The following ITSN1 variants were observed in gnomAD, a reference collection of about 807,000 sequenced individuals.
The protein encoded by ITSN1 is intersectin-1.
ITSN1 carries 58 observed loss-of-function variants against 239.8 expected under a neutral mutation model. The ratio of observed to expected loss-of-function variants is 0.24; its 90% CI spans 0.20 to 0.30. The LOEUF (loss-of-function observed/expected upper bound fraction) is 0.30, where lower values mean the gene tolerates loss of function less well. Ranked by LOEUF, ITSN1 falls within the 10% of genes least tolerant of loss-of-function variation. ITSN1 has a pLI of 1.00. For synonymous variants in ITSN1, 780 were observed against 770.8 expected (o/e 1.01, Z -0.20); for missense variants, 1,558 against 2,103.3 (o/e 0.74, Z 5.07).
intron 28 of ITSN1, among the ~76,000 whole-genome samples, chr21:33,835,666 CG>C (rs2074559212): frequency 6.6e-6 from 1 of 152,216 alleles, no homozygotes; most frequent in African/African-American, 2.4e-5. Context: ...CATGGTGGCT[CG>C]CGCCTGTAAT....
intron 26 of ITSN1, among the ~76,000 whole-genome samples, chr21:33,827,093 G>A (rs942667031): frequency 4.6e-5 from 7 of 152,166 alleles, no homozygotes; most frequent in African/African-American, 1.7e-4. Context: ...TGTTCTCTTG[G>A]GTTGTCGAGA....
chr21:33,669,322 A>T (rs1409212761), intron 1 of ITSN1, among the ~76,000 whole-genome samples: 1 of 152,100 alleles, frequency 6.6e-6, no homozygotes, highest in African/African-American at 2.4e-5. Flanking sequence ...GCCTCAAGTG[A>T]TCCACCCGTC....
chr21:33,694,866 A>G (rs1048766269), intron 1 of ITSN1, among the ~76,000 whole-genome samples: 1 of 152,172 alleles, frequency 6.6e-6, no homozygotes, highest in Admixed American at 6.5e-5. Flanking sequence ...TCAGGCTGCA[A>G]TGCAGTGGTG....
chr21:33,721,252 A>G lies in ITSN1; in HGVS notation c.103A>G (p.Ile35Val), dbSNP rs760484132. Reference sequence around the variant, plus strand: ...TCAGCAGTTCCATAGTTTAAAGCCAATATCTGGATTCATTACTGGTAATCA... The same window carrying G: ...TCAGCAGTTCCATAGTTTAAAGCCAGTATCTGGATTCATTACTGGTAATCA... The part of the protein sequence containing the change: ...HDQQFHSLKP[I>V]SGFITGDQAR... The change falls in exon 3 of 40, where the codon ATA becomes GTA. Residue 35 changes from isoleucine to valine, a missense_variant. Around this residue, in one of 2 missense-constraint regions of ITSN1, gnomAD observed 982 missense variants for 1,209.9 expected, o/e 0.81. Coordinates refer to ENST00000381318, the MANE Select transcript of ITSN1 (RefSeq NM_003024.3). The G allele has an allele frequency of 4.4e-6, 7 of 1,608,244 alleles. No individual in the cohort carries two copies. Among genetic ancestry groups the G allele is most frequent in the African/African-American group, 2.7e-5 (2 of 74,814 alleles).
intron 4 of ITSN1, among the ~76,000 whole-genome samples, chr21:33,730,544 G>A (rs1302297823): frequency 6.6e-6 from 1 of 151,332 alleles, no homozygotes; most frequent in Non-Finnish European, 1.5e-5. Context: ...GGGATTACAG[G>A]CACGTGCCAC....
At chr21:33,742,277 G>A (rs548498249) in intron 5 of ITSN1, among the ~76,000 whole-genome samples, 2 of 151,940 alleles carry the variant, frequency 1.3e-5, no homozygotes, top group Non-Finnish European at 2.9e-5. Flanking sequence ...GGCTGGTCTC[G>A]AACTTCTGAT....
chr21:33,747,295 T>C (rs2067240146), intron 5 of ITSN1, among the ~76,000 whole-genome samples: 1 of 151,942 alleles, frequency 6.6e-6, no homozygotes, highest in Non-Finnish European at 1.5e-5. Flanking sequence ...CTGAAGAATA[T>C]GGAACAAAAA....
intron 8 of ITSN1, among the ~76,000 whole-genome samples, chr21:33,758,237 C>T (rs1004407690): frequency 2.6e-5 from 4 of 152,128 alleles, no homozygotes; most frequent in African/African-American, 9.7e-5. Context: ...GATCCTCCCA[C>T]CTCAGCCCCC....
At chr21:33,738,391 C>G (rs1246052387) in intron 5 of ITSN1, among the ~76,000 whole-genome samples, 1 of 151,964 alleles carries the variant, frequency 6.6e-6, no homozygotes, top group Non-Finnish European at 1.5e-5. Context: ...GAGATAGAAC[C>G]TGTCCAAAGC....
In ITSN1 at chr21:33,840,337, T is replaced by G. The variant is rs536251426; in HGVS notation, c.3661+3705T>G. 7.9e-5 allele frequency among the ~76,000 whole-genome samples: 12 copies of G among 152,152 alleles called. No homozygotes were observed. In the South Asian group the frequency reaches 2.3e-3, roughly 29 times the overall value. On this transcript the variant is annotated intron_variant, in intron 29 of 39. Coordinates refer to ENST00000381318, the MANE Select transcript of ITSN1 (RefSeq NM_003024.3). ...AGTTTAAAGGTGTCAGGTTTTGGTT[T>G]GTTTGTTCTTTAGCTATTTGTTTTT... is the stretch of plus-strand genomic sequence containing the variant.
chr21:33,648,433 G>A (rs1042703264), intron 1 of ITSN1, among the ~76,000 whole-genome samples: 3 of 152,128 alleles, frequency 2.0e-5, no homozygotes, highest in African/African-American at 7.2e-5. Context: ...TACTTTTTAT[G>A]TTCTCGATTG....
intron 5 of ITSN1, among the ~76,000 whole-genome samples, chr21:33,747,337 T>C (rs947642548): frequency 6.6e-6 from 1 of 151,986 alleles, no homozygotes; most frequent in Non-Finnish European, 1.5e-5. Context: ...TTTCAGAGAC[T>C]TATGGAACAA....
chr21:33,797,412 G>A lies in ITSN1; in HGVS notation c.1986G>A (p.Glu662=). 1 of 1,614,008 alleles carries A rather than the reference G, an allele frequency of 6.2e-7. No homozygotes were observed. Among genetic ancestry groups the A allele is most frequent in the Non-Finnish European group, 8.5e-7 (1 of 1,179,930 alleles). ...AGGAAAGGGACAAGCAGTGGCTGGA[G>A]CATGTGCAGCAGGAGGACGAGCATC... ...RAQERDKQWL[E]HVQQEDEHQR... is the part of the protein sequence containing the mutation. The change falls in exon 18 of 40, where the codon GAG becomes GAA. Residue 662 remains glutamate, a synonymous_variant. Coordinates refer to ENST00000381318, the MANE Select transcript of ITSN1 (RefSeq NM_003024.3). The surrounding 1 kb of genome is among the most constrained non-coding windows in gnomAD (Gnocchi z 4.9).
chr21:33,774,545 T>C (rs1183348623), intron 12 of ITSN1, 184 bp from the exon 13 acceptor site: 6 of 563,136 alleles, frequency 1.1e-5, no homozygotes, highest in Non-Finnish European at 1.6e-5. Context: ...TTCTGTGTAT[T>C]CCCTTTATTC....
At chr21:33,829,372 A>G in intron 26 of ITSN1, 1 of 468,042 alleles carries the variant, frequency 2.1e-6, no homozygotes. Context: ...TTGGTAAGTA[A>G]GTTTCACGGG....
At chr21:33,704,923 TAAAAAA>T (rs55966725) in intron 1 of ITSN1, among the ~76,000 whole-genome samples, 6 of 93,688 alleles carry the variant, frequency 6.4e-5, no homozygotes, top group Non-Finnish European at 1.2e-4. Context: ...CCATCTCTAC[TAAAAAA>T]AAAAAAAAAA....
At chr21:33,871,377 C>T (rs2148518198) in intron 33 of ITSN1, among the ~76,000 whole-genome samples, 1 of 151,776 alleles carries the variant, frequency 6.6e-6, no homozygotes, top group African/African-American at 2.4e-5. Flanking sequence ...GGGGAAAGAG[C>T]TATGATTGAG....
intron 1 of ITSN1, among the ~76,000 whole-genome samples, chr21:33,672,216 T>TA (rs565617618): frequency 8.9e-4 from 127 of 142,374 alleles, no homozygotes; most frequent in Admixed American, 3.0e-3. Flanking sequence ...AAACTCTGTC[T>TA]AAAAAAAAAA....
intron 35 of ITSN1, among the ~76,000 whole-genome samples, chr21:33,883,285 G>C (rs186263353): frequency 6.6e-6 from 1 of 152,324 alleles, no homozygotes; most frequent in African/African-American, 2.4e-5. Flanking sequence ...ATATGTAAAA[G>C]TTGATGCTAA....
Sources: allele counts gnomAD v4.1 joint callset (sites outside exome capture counted in the v4.1 genomes callset), GRCh38; gene constraint gnomAD v4.1.1; regional missense constraint gnomAD v4.1.1; non-coding constraint Gnocchi (gnomAD v3.1); transcripts MANE v1.5; gene names NCBI Gene and HGNC (gene_info 2026-07-23, HGNC 2026-07-21).